Variants in PROB1 observed in about 807,000 individuals in gnomAD.
PROB1 encodes the protein proline-rich basic protein 1.
For synonymous variants in PROB1, 660 were observed against 699.3 expected (o/e 0.94, Z 0.89); for missense variants, 1,453 against 1,485.7 (o/e 0.98, Z 0.36).
At position 139,393,183 on chromosome 5, in the gene PROB1, G is replaced by C. The variant is rs1384315527; in HGVS notation, c.1899C>G (p.Thr633=). The part of the protein sequence containing the change: ...RPRDVRKLVK[T]TYAPGFPAGA... ...CTGCCGGGAAGCCTGGCGCGTACGT[G>C]GTCTTCACCAACTTGCGCACGTCTC... Residue 633 remains threonine, a synonymous_variant, in exon 1 of 1, where the codon ACC becomes ACG. Transcript: ENST00000434752. 2 of 1,549,544 alleles carry C rather than the reference G, an allele frequency of 1.3e-6. No individual in the cohort carries two copies. The highest frequency in any genetic ancestry group is 3.9e-5 in the Admixed American group (2 of 50,970).
In PROB1 at chr5:139,394,402, C is replaced by A. The variant is rs1279887973; in HGVS notation, c.680G>T (p.Arg227Leu). 3.6e-6 allele frequency: 5 copies of A among 1,388,980 alleles called. No individual in the cohort carries two copies. The highest frequency in any genetic ancestry group is 4.6e-6 in the Non-Finnish European group (5 of 1,079,728). The allele number at this position is 1,388,980 out of a possible 1,614,324, so 86.0% of individuals were successfully genotyped here. Residue 227 changes from arginine to leucine, a missense_variant, in exon 1 of 1, where the codon CGC becomes CTC. Arg to Leu is a moderately radical substitution (Grantham distance 102). Transcript: ENST00000434752. ...QSPPRAAGAP[R>L]PRLLLRTGSL... The stretch of plus-strand genomic sequence containing the variant: ...ACCGGTGCGCAGGAGCAGCCGGGGG[C>A]GCGGCGCGCCGGCCGCCCTTGGGGG...
In PROB1 at chr5:139,392,576, G is replaced by A. The variant is rs1177899563; in HGVS notation, c.2506C>T (p.Pro836Ser). The A allele has an allele frequency of 2.9e-6, 4 of 1,358,954 alleles. No homozygotes were observed. The highest frequency in any genetic ancestry group is 3.8e-6 in the Non-Finnish European group (4 of 1,060,718). The allele number at this position is 1,358,954 out of a possible 1,614,324, so 84.2% of individuals were successfully genotyped here. A position where few individuals can be genotyped will look rare whatever the true frequency, so the allele number is the denominator to read the frequency against. ...CCCGCCAACGCCAGGGGCTCCCGCG[G>A]GAGTGGCGCCTGGACGGCAGCCGCG... ...EPAAAVQAPL[P>S]REPLALAGRT... The change falls in exon 1 of 1, where the codon CCG becomes TCG. Residue 836 changes from proline (P) to serine (S), a missense_variant. Pro to Ser is a moderately conservative substitution (Grantham distance 74, BLOSUM62 -1). Transcript: ENST00000434752. The surrounding 1 kb of genome is among the most constrained non-coding windows in gnomAD (Gnocchi z 5.8).
At position 139,395,011 on chromosome 5, in the gene PROB1, C is replaced by A. The variant is rs1223649192; in HGVS notation, c.71G>T (p.Arg24Leu). Reference sequence around the variant, plus strand: ...GCCTGACGAACCGGAGGAGTCCTGGCGCCGCGCGGGGGCCGTGGGCAGCTG... The same window carrying A: ...GCCTGACGAACCGGAGGAGTCCTGGAGCCGCGCGGGGGCCGTGGGCAGCTG... ...PRQLPTAPAR[R>L]QDSSGSSGSY... The change falls in exon 1 of 1, where the codon CGC (arginine) becomes CTC (leucine). Residue 24 changes from arginine to leucine, a missense_variant. Physicochemically the swap from Arg to Leu is moderately radical, Grantham distance 102. Coordinates refer to ENST00000434752, the MANE Select transcript of PROB1 (RefSeq NM_001161546.2). 1.4e-6 allele frequency: 2 copies of A among 1,472,066 alleles called. No individual in the cohort carries two copies. Among genetic ancestry groups the A allele is most frequent in the South Asian group, 1.3e-5 (1 of 74,428 alleles). 91.2% of individuals were successfully genotyped at this position (1,472,066 alleles called of 1,614,324 possible).
chr5:139,393,862 G>C lies in PROB1; in HGVS notation c.1220C>G (p.Pro407Arg). The change falls in exon 1 of 1, where the codon CCT (proline) becomes CGT (arginine). Residue 407 changes from proline to arginine, a missense_variant. Transcript: ENST00000434752. ...RQTPNGAVRG[P>R]RCPSPQNLSP... Reference sequence around the variant, plus strand: ...CAGGTTCTGGGGCGACGGGCAGCGAGGACCCCGTACAGCCCCATTTGGAGT... The same window carrying C: ...CAGGTTCTGGGGCGACGGGCAGCGACGACCCCGTACAGCCCCATTTGGAGT... 1 of 1,551,362 alleles carries C rather than the reference G, an allele frequency of 6.4e-7. No individual in the cohort carries two copies. Among genetic ancestry groups the C allele is most frequent in the African/African-American group, 1.4e-5 (1 of 73,176 alleles).
At position 139,394,724 on chromosome 5, in the gene PROB1, G is replaced by T. The variant is rs750430115; in HGVS notation, c.358C>A (p.Leu120Met). The change falls in exon 1 of 1, where the codon CTG becomes ATG. Residue 120 changes from leucine to methionine, a missense_variant. Coordinates refer to ENST00000434752, the MANE Select transcript of PROB1 (RefSeq NM_001161546.2). Reference protein sequence around the residue: ...EMEVIFGVGPLFGCSGADDRE... With the variant: ...EMEVIFGVGPMFGCSGADDRE... ...TCGTCTGCGCCGGAGCAGCCGAACA[G>T]GGGTCCGACGCCGAAGATGACTTCC... 6.5e-7 allele frequency: 1 copy of T among 1,532,096 alleles called. No individual in the cohort carries two copies. Among genetic ancestry groups the T allele is most frequent in the South Asian group, 1.2e-5 (1 of 83,866 alleles). The allele number at this position is 1,532,096 out of a possible 1,614,324, so 94.9% of individuals were successfully genotyped here.
rs1441388530 is a variant in PROB1, at chr5:139,392,480, G to A, written c.2602C>T (p.Gln868Ter). Residue 868 changes from glutamine to a stop codon, truncating the protein, a stop_gained, in exon 1 of 1, where the codon CAG (glutamine) becomes TAG (stop). Coordinates refer to ENST00000434752, the MANE Select transcript of PROB1 (RefSeq NM_001161546.2). LOFTEE classifies it low-confidence loss of function (END_TRUNC). The surrounding 1 kb of genome is among the most constrained non-coding windows in gnomAD (Gnocchi z 5.8). ...GCCCCGGGCTGCCTGCGCGCTCCCT[G>A]GGAGGGGCTTTGCGGGGACCGGTCC... ...PTDRSPQSPS[Q>*]GARRQPGAAP... The A allele has an allele frequency of 7.2e-6, 10 of 1,382,770 alleles. No individual in the cohort carries two copies. Among genetic ancestry groups the A allele is most frequent in the Non-Finnish European group, 9.3e-6 (10 of 1,072,584 alleles). 85.7% of individuals were successfully genotyped at this position (1,382,770 alleles called of 1,614,324 possible).
rs895911645 is a variant in PROB1, at chr5:139,392,953, G to T, written c.2129C>A (p.Ser710Ter). 9.9e-6 allele frequency: 15 copies of T among 1,510,728 alleles called. No homozygotes were observed. Among genetic ancestry groups the T allele is most frequent in the South Asian group, 1.3e-5 (1 of 79,434 alleles). 93.6% of individuals were successfully genotyped at this position (1,510,728 alleles called of 1,614,324 possible). Residue 710 changes from serine (S) to a stop codon, truncating the protein, a stop_gained, in exon 1 of 1, where the codon TCA (serine) becomes TAA (stop). Transcript: ENST00000434752. LOFTEE classifies it low-confidence loss of function (END_TRUNC). This position sits in a 1 kb window ranked among gnomAD's most constrained non-coding sequence, Gnocchi z 5.8. ...PSFDTVARDA[S>*]QPNGVLRRRA... ...CCGCCGCAGGACCCCGTTGGGCTGT[G>T]AGGCGTCCCGGGCGACCGTGTCGAA...
Position 139,393,932 on chromosome 5 carries a change from G to A in PROB1, c.1150C>T (p.Pro384Ser). The change falls in exon 1 of 1, where the codon CCG (proline) becomes TCG (serine). Residue 384 changes from proline to serine, a missense_variant. Pro to Ser is a moderately conservative substitution (Grantham distance 74, BLOSUM62 -1). Transcript: ENST00000434752. ...PFECRIPSEVPSRAVRPRSPS... is the reference protein window; with the variant it reads ...PFECRIPSEVSSRAVRPRSPS... ...CTCCTTGGCCTCACAGCCCTACTCG[G>A]AACCTCCGAGGGGATCCTACACTCA... 2.6e-6 allele frequency: 4 copies of A among 1,550,930 alleles called. No homozygotes were observed. Among genetic ancestry groups the A allele is most frequent in the Non-Finnish European group, 3.5e-6 (4 of 1,146,984 alleles).
chr5:139,391,397 C>CT lies in PROB1; in HGVS notation c.*636dup, dbSNP rs1561988137. 1.3e-5 allele frequency: 2 copies of CT among 152,876 alleles called. No individual in the cohort carries two copies. The highest frequency in any genetic ancestry group is 1.3e-4 in the Admixed American group (2 of 15,290). 9.5% of individuals were successfully genotyped at this position (152,876 alleles called of 1,614,324 possible). On this transcript the variant is annotated 3_prime_UTR_variant, in exon 1 of 1. Coordinates refer to ENST00000434752, the MANE Select transcript of PROB1 (RefSeq NM_001161546.2). This position sits in a 1 kb window ranked among gnomAD's most constrained non-coding sequence, Gnocchi z 4.8. Reference sequence around the variant, plus strand: ...GGCTAACCCCCAACCCAGGCCCTCCCTGTATTCCTTGCTTTGCCTCCACCT... The same window carrying CT: ...GGCTAACCCCCAACCCAGGCCCTCCCTTGTATTCCTTGCTTTGCCTCCACCT...
Position 139,392,855 on chromosome 5 carries a change from G to A in PROB1, c.2227C>T (p.Arg743Cys). The A allele has an allele frequency of 6.5e-7, 1 of 1,541,292 alleles. No individual in the cohort carries two copies. Among genetic ancestry groups the A allele is most frequent in the Non-Finnish European group, 8.8e-7 (1 of 1,141,968 alleles). Residue 743 changes from arginine (R) to cysteine (C), a missense_variant, in exon 1 of 1, where the codon CGC becomes TGC. Coordinates refer to ENST00000434752, the MANE Select transcript of PROB1 (RefSeq NM_001161546.2). The surrounding 1 kb of genome is among the most constrained non-coding windows in gnomAD (Gnocchi z 5.8). ...ACTCGCGAGGTTACCTCGGGCCGGCGACCCAAGGCCAGGGCCCCAGGCAGG... is the reference window on the plus strand; with the variant it reads ...ACTCGCGAGGTTACCTCGGGCCGGCAACCCAAGGCCAGGGCCCCAGGCAGG... ...IRLPGALALG[R>C]RPEVTSRVRA... is the part of the protein sequence containing the mutation.
In PROB1 at chr5:139,391,714, A is replaced by G; in HGVS notation, c.*320T>C. 4.0e-6 allele frequency: 1 copy of G among 249,874 alleles called. No homozygotes were observed. Among genetic ancestry groups the G allele is most frequent in the Non-Finnish European group, 7.6e-6 (1 of 130,994 alleles). The allele number at this position is 249,874 out of a possible 1,614,324, so 15.5% of individuals were successfully genotyped here. On this transcript the variant is annotated 3_prime_UTR_variant, in exon 1 of 1. Transcript: ENST00000434752. The surrounding 1 kb of genome is among the most constrained non-coding windows in gnomAD (Gnocchi z 4.8). ...TCGGCTCCTGGGGACAAGCCCAGGG[A>G]TGCCTCACTTTCCCTATTTGCTTGC... is the stretch of plus-strand genomic sequence containing the variant.
rs183685944 is a variant in PROB1, at chr5:139,393,332, C to T, written c.1750G>A (p.Val584Ile). The change falls in exon 1 of 1, where the codon GTA becomes ATA. Residue 584 changes from valine (V) to isoleucine (I), a missense_variant. Physicochemically the swap from Val to Ile is conservative, Grantham distance 29 (BLOSUM62 3). Coordinates refer to ENST00000434752, the MANE Select transcript of PROB1 (RefSeq NM_001161546.2). ...CTGCCGGGCGGCTCGGGTGCTGCTA[C>T]CTCTGGGGACTGCTGACTCCCTCCA... ...AFGGSQQSPE[V>I]AAPEPPGSHP... 9.7e-6 allele frequency: 15 copies of T among 1,551,172 alleles called. No individual in the cohort carries two copies. In the African/African-American group the frequency reaches 2.0e-4, roughly 21 times the overall value.
In PROB1 at chr5:139,393,066, C is replaced by A; in HGVS notation, c.2016G>T (p.Gly672=). Residue 672 remains glycine (G), a synonymous_variant, in exon 1 of 1, where the codon GGG becomes GGT. Coordinates refer to ENST00000434752, the MANE Select transcript of PROB1 (RefSeq NM_001161546.2). ...AAGTGTAGTGAGCCGGGGCGGGGGGCCCCAGTGCTGGCGGCTCTTGCGTCT... is the reference window on the plus strand; with the variant it reads ...AAGTGTAGTGAGCCGGGGCGGGGGGACCCAGTGCTGGCGGCTCTTGCGTCT... ...ESKTQEPPAL[G]PPAPAHYTSV... is the part of the protein sequence containing the mutation. 6.5e-7 allele frequency: 1 copy of A among 1,529,184 alleles called. No homozygotes were observed. Among genetic ancestry groups the A allele is most frequent in the African/African-American group, 1.4e-5 (1 of 72,182 alleles). The allele number at this position is 1,529,184 out of a possible 1,614,324, so 94.7% of individuals were successfully genotyped here.
rs1463635142 is a variant in PROB1 at position 139,391,847 on chromosome 5, TC to T, written c.*186del. The stretch of plus-strand genomic sequence containing the variant: ...TTGGGGGAGGAAGTAGGCAGCCACT[TC>T]CTGGGTGACTCCAGCTCCACCAGCC... On this transcript the variant is annotated 3_prime_UTR_variant, in exon 1 of 1. Coordinates refer to ENST00000434752, the MANE Select transcript of PROB1 (RefSeq NM_001161546.2). This position sits in a 1 kb window ranked among gnomAD's most constrained non-coding sequence, Gnocchi z 4.8. The T allele has an allele frequency of 4.3e-6, 2 of 464,012 alleles. No homozygotes were observed. The highest frequency in any genetic ancestry group is 7.1e-6 in the Non-Finnish European group (2 of 282,240). The allele number at this position is 464,012 out of a possible 1,614,324, so 28.7% of individuals were successfully genotyped here. A position where few individuals can be genotyped will look rare whatever the true frequency, so the allele number is the denominator to read the frequency against.
rs908931466 is a variant in PROB1 at position 139,391,110 on chromosome 5, GC to G, written c.*923del. 1.3e-5 allele frequency: 2 copies of G among 152,258 alleles called. No homozygotes were observed. Among genetic ancestry groups the G allele is most frequent in the African/African-American group, 4.8e-5 (2 of 41,410 alleles). 9.4% of individuals were successfully genotyped at this position (152,258 alleles called of 1,614,324 possible). On this transcript the variant is annotated 3_prime_UTR_variant, in exon 1 of 1. Coordinates refer to ENST00000434752, the MANE Select transcript of PROB1 (RefSeq NM_001161546.2). This position sits in a 1 kb window ranked among gnomAD's most constrained non-coding sequence, Gnocchi z 4.8. ...CATCTGTTACTGGGGAGTGGAACCTGCCAAGAGCTTCAGATCCCTCTGGATA... is the reference window on the plus strand; with the variant it reads ...CATCTGTTACTGGGGAGTGGAACCTGCAAGAGCTTCAGATCCCTCTGGATA...
In PROB1 at chr5:139,394,464, G is replaced by C; in HGVS notation, c.618C>G (p.Pro206=). ...GAAPARPRTV[P]KRQIELRPRP... ...GGGGGCGCAGCTCGATCTGACGCTT[G>C]GGCACTGTCCGGGGCCTGGCGGGCG... Residue 206 remains proline, a synonymous_variant, in exon 1 of 1, where the codon CCC becomes CCG. Coordinates refer to ENST00000434752, the MANE Select transcript of PROB1 (RefSeq NM_001161546.2). 1.4e-6 allele frequency: 2 copies of C among 1,410,370 alleles called. No homozygotes were observed. The highest frequency in any genetic ancestry group is 9.2e-7 in the Non-Finnish European group (1 of 1,091,282). The allele number at this position is 1,410,370 out of a possible 1,614,324, so 87.4% of individuals were successfully genotyped here.
Position 139,392,442 on chromosome 5 carries a change from C to T in PROB1, c.2640G>A (p.Gly880=). The change falls in exon 1 of 1, where the codon GGG becomes GGA. Residue 880 remains glycine, a synonymous_variant. Coordinates refer to ENST00000434752, the MANE Select transcript of PROB1 (RefSeq NM_001161546.2). This position sits in a 1 kb window ranked among gnomAD's most constrained non-coding sequence, Gnocchi z 5.8. ...CGCTCTCGGGGTCCACCAAGACCTTCCCCAGGGGCGCGGCCCCGGGCTGCC... is the reference window on the plus strand; with the variant it reads ...CGCTCTCGGGGTCCACCAAGACCTTTCCCAGGGGCGCGGCCCCGGGCTGCC... ...ARRQPGAAPL[G]KVLVDPESGR... The T allele has an allele frequency of 2.1e-6, 3 of 1,439,828 alleles. No homozygotes were observed. Among genetic ancestry groups the T allele is most frequent in the Non-Finnish European group, 9.1e-7 (1 of 1,097,354 alleles). 89.2% of individuals were successfully genotyped at this position (1,439,828 alleles called of 1,614,324 possible).
Position 139,394,784 on chromosome 5 carries a change from G to T in PROB1, c.298C>A (p.Gln100Lys), listed in dbSNP as rs2152077128. Reference protein sequence around the residue: ...RGPGSGPRPPQPQLRTLPSGE... With the variant: ...RGPGSGPRPPKPQLRTLPSGE... ...GACGGCAGCGTGCGCAGCTGGGGCT[G>T]GGGTGGCCGTGGGCCGGAACCTGGG... Residue 100 changes from glutamine (Q) to lysine (K), a missense_variant, in exon 1 of 1, where the codon CAG (glutamine) becomes AAG (lysine). Physicochemically the swap from Gln to Lys is moderately conservative, Grantham distance 53. Transcript: ENST00000434752. 2 of 1,530,318 alleles carry T rather than the reference G, an allele frequency of 1.3e-6. No individual in the cohort carries two copies. The highest frequency in any genetic ancestry group is 2.8e-5 in the African/African-American group (2 of 70,660). The allele number at this position is 1,530,318 out of a possible 1,614,324, so 94.8% of individuals were successfully genotyped here. A position where few individuals can be genotyped will look rare whatever the true frequency, so the allele number is the denominator to read the frequency against.
In PROB1 at chr5:139,393,190, A is replaced by C. The variant is rs1319364036; in HGVS notation, c.1892T>G (p.Val631Gly). ...GAAGCCTGGCGCGTACGTGGTCTTC[A>C]CCAACTTGCGCACGTCTCGAGGCCG... ...IPRPRDVRKL[V>G]KTTYAPGFPA... Residue 631 changes from valine to glycine, a missense_variant, in exon 1 of 1, where the codon GTG (valine) becomes GGG (glycine). Transcript: ENST00000434752. 7.7e-6 allele frequency: 12 copies of C among 1,549,640 alleles called. No individual in the cohort carries two copies. The highest frequency in any genetic ancestry group is 1.0e-5 in the Non-Finnish European group (12 of 1,146,770).
Sources: allele counts gnomAD v4.1 joint callset, GRCh38; gene constraint gnomAD v4.1.1; non-coding constraint Gnocchi (gnomAD v3.1); transcripts MANE v1.5; gene names NCBI Gene and HGNC (gene_info 2026-07-23, HGNC 2026-07-21).